NAAA: variants seen among roughly 807,000 people sequenced by gnomAD.
NAAA encodes N-acylethanolamine-hydrolyzing acid amidase.
In NAAA, 39 loss-of-function variants were observed where a neutral mutation model predicts 44.8. That is an observed-to-expected ratio of 0.87 (90% CI 0.67 to 1.14). The LOEUF (loss-of-function observed/expected upper bound fraction) is 1.14, where lower values mean the gene tolerates loss of function less well. Among genes scored for constraint, NAAA ranks in the 50% most tolerant of loss-of-function variants. NAAA has a pLI of 0.00. For synonymous variants in NAAA, 178 were observed against 191.3 expected (o/e 0.93, Z 0.58); for missense variants, 460 against 467.8 (o/e 0.98, Z 0.15).
chr4:75,915,355 A>G (rs1200938276), intron 9 of NAAA, among the ~76,000 whole-genome samples: 2 of 152,138 alleles, frequency 1.3e-5, no homozygotes, highest in African/African-American at 4.8e-5. Context: ...TCTCATAAAA[A>G]ATAAATAAAT....
Position 75,931,243 on chromosome 4 carries a change from T to C in NAAA, c.560A>G (p.His187Arg). 6.2e-7 allele frequency: 1 copy of C among 1,612,962 alleles called. No homozygotes were observed. Among genetic ancestry groups the C allele is most frequent in the African/African-American group, 1.3e-5 (1 of 75,044 alleles). ...YVGLWTGQSP[H>R]KFTVSGDERD... Reference sequence around the variant, plus strand: ...TTCATCACCAGAAACTGTAAACTTGTGTGGGCTCTGGCCAGTCCATAATCC... The same window carrying C: ...TTCATCACCAGAAACTGTAAACTTGCGTGGGCTCTGGCCAGTCCATAATCC... The change falls in exon 4 of 11, where the codon CAC (histidine) becomes CGC (arginine). Residue 187 changes from histidine (H) to arginine (R), a missense_variant. His to Arg is a conservative substitution (Grantham distance 29). Transcript: ENST00000286733.
intron 7 of NAAA, among the ~76,000 whole-genome samples, chr4:75,920,313 T>C (rs1393959531): frequency 1.3e-5 from 2 of 152,240 alleles, no homozygotes; most frequent in Admixed American, 1.3e-4. Flanking sequence ...AATTATAGAA[T>C]GTTTACAACT....
chr4:75,940,201 C>A, intron 1 of NAAA, 36 bp from the exon 2 acceptor site: 1 of 1,595,114 alleles, frequency 6.3e-7, no homozygotes, highest in Non-Finnish European at 8.6e-7. Flanking sequence ...CTGACCCGCT[C>A]AGAGGTCGGC....
intron 5 of NAAA, among the ~76,000 whole-genome samples, chr4:75,921,524 C>T (rs1463966886): frequency 1.3e-5 from 2 of 152,134 alleles, no homozygotes; most frequent in South Asian, 2.1e-4. Context: ...GTGAATGAGT[C>T]GCCTGGTCCT....
intron 2 of NAAA, among the ~76,000 whole-genome samples, chr4:75,937,417 T>G (rs1727831302): frequency 6.6e-6 from 1 of 152,218 alleles, no homozygotes; most frequent in Admixed American, 6.5e-5. Flanking sequence ...AGACTCCGTC[T>G]CAAACATAAA....
intron 5 of NAAA, among the ~76,000 whole-genome samples, chr4:75,921,779 G>A (rs1726190767): frequency 6.6e-6 from 1 of 152,174 alleles, no homozygotes; most frequent in African/African-American, 2.4e-5. Context: ...GAGGGTTCTA[G>A]TTCGATGGAC....
chr4:75,936,221 A>G lies in NAAA; in HGVS notation c.386T>C (p.Ile129Thr), dbSNP rs770125465. The change falls in exon 3 of 11, where the codon ATT becomes ACT. Residue 129 changes from isoleucine to threonine, a missense_variant. By Grantham distance (89) the Ile-to-Thr change is moderately conservative (BLOSUM62 -1). Transcript: ENST00000286733. ...AYESSVFCTS[I>T]VAQDSRGHIY... ...GTGGCCTCTGGAGTCTTGAGCCACA[A>G]TACTGGTGCAGAACCTGAGAAAAGG... 1 of 1,613,942 alleles carries G rather than the reference A, an allele frequency of 6.2e-7. No individual in the cohort carries two copies.
intron 3 of NAAA, among the ~76,000 whole-genome samples, chr4:75,934,723 A>T (rs28535831): frequency 0.21 from 31,258 of 152,182 alleles, 3,652 homozygotes; most frequent in East Asian, 0.35. Flanking sequence ...TTTCTTGGCC[A>T]TGAGTCCTCC....
At chr4:75,940,233 T>C in intron 1 of NAAA, 68 bp from the exon 2 acceptor site, 1 of 1,541,182 alleles carries the variant, frequency 6.5e-7, no homozygotes. Flanking sequence ...GCGTGTGCAC[T>C]GCGAGCGGGG....
At chr4:75,911,924 T>G (rs1008902604), downstream of NAAA, among the ~76,000 whole-genome samples, 12 of 152,210 alleles carry the variant, frequency 7.9e-5, no homozygotes, top group Non-Finnish European at 2.9e-5. Context: ...TTATCATCCT[T>G]TCTTTAAAGT....
At chr4:75,938,967 G>A (rs1419028987) in intron 2 of NAAA, among the ~76,000 whole-genome samples, 2 of 151,502 alleles carry the variant, frequency 1.3e-5, no homozygotes, top group Non-Finnish European at 1.5e-5. Context: ...CTCCTGCCTC[G>A]GCCTCCCAAG....
chr4:75,940,022 T>A lies in NAAA; in HGVS notation c.350A>T (p.Asn117Ile). 6.2e-7 allele frequency: 1 copy of A among 1,613,922 alleles called. No individual in the cohort carries two copies. Among genetic ancestry groups the A allele is most frequent in the South Asian group, 1.1e-5 (1 of 91,080 alleles). ...TCACACGGAGGACTCGTAGGCCAGGTTGACCAGAAGGCAGTCCGCCAGGCT... is the reference window on the plus strand; with the variant it reads ...TCACACGGAGGACTCGTAGGCCAGGATGACCAGAAGGCAGTCCGCCAGGCT... Reference protein sequence around the residue: ...NLSLADCLLVNLAYESSVFCT... With the variant: ...NLSLADCLLVILAYESSVFCT... The change falls in exon 2 of 11, where the codon AAC becomes ATC. Residue 117 changes from asparagine to isoleucine, a missense_variant. Physicochemically the swap from Asn to Ile is moderately radical, Grantham distance 149. Transcript: ENST00000286733.
chr4:75,921,950 C>T lies in NAAA; in HGVS notation c.667-827G>A, dbSNP rs111981355. On this transcript the variant is annotated intron_variant, in intron 5 of 10. Coordinates refer to ENST00000286733, the MANE Select transcript of NAAA (RefSeq NM_014435.4). ...CAAATCTTCAGATTCCATATGGGCT[C>T]CTTCCTAGAGCTGATCTGCTCAAGA... is the stretch of plus-strand genomic sequence containing the variant. 1.6e-4 allele frequency among the ~76,000 whole-genome samples: 24 copies of T among 152,314 alleles called. 1 individual carries two copies. The highest frequency in any genetic ancestry group is 5.1e-4 in the African/African-American group (21 of 41,566).
At chr4:75,932,962 C>A (rs1369829556) in intron 3 of NAAA, among the ~76,000 whole-genome samples, 1 of 151,992 alleles carries the variant, frequency 6.6e-6, no homozygotes, top group East Asian at 1.9e-4. Flanking sequence ...CGGTGAAACT[C>A]CAACTCTACC....
At position 75,919,911 on chromosome 4, in the gene NAAA, G is replaced by A. The variant is rs1578043207; in HGVS notation, c.967C>T (p.Gln323Ter). 6.2e-7 allele frequency: 1 copy of A among 1,612,880 alleles called. No homozygotes were observed. Among genetic ancestry groups the A allele is most frequent in the Non-Finnish European group, 8.5e-7 (1 of 1,178,888 alleles). ...CAGGACACTGTGACACAAGTTACCT[G>A]GAAAAGTGCCTCCAGGCTGAGGTTT... ...QANLSLEALF[Q>*]ILSVVPVYNN... The change falls in exon 8 of 11, where the codon CAG becomes TAG. Residue 323 changes from glutamine (Q) to a stop codon, truncating the protein, a stop_gained and splice_region_variant. Transcript: ENST00000286733. LOFTEE classifies it high-confidence loss of function.
Position 75,940,148 on chromosome 4 carries a change from C to G in NAAA, c.224G>C (p.Trp75Ser). ...AQVIGDRVPK[W>S]VHVLIGKVVL... ...CACTTTTCCGATTAACACGTGCACC[C>G]ACTTGGGGACTCTGTCCCTAGAAAC... The change falls in exon 2 of 11, where the codon TGG becomes TCG. Residue 75 changes from tryptophan to serine, a missense_variant. Physicochemically the swap from Trp to Ser is radical, Grantham distance 177. Transcript: ENST00000286733. 1 of 1,613,814 alleles carries G rather than the reference C, an allele frequency of 6.2e-7. No homozygotes were observed. Among genetic ancestry groups the G allele is most frequent in the Non-Finnish European group, 8.5e-7 (1 of 1,179,822 alleles).
downstream of NAAA, chr4:75,911,291 G>A (rs1725312987): frequency 1.9e-6 from 1 of 514,458 alleles, no homozygotes; most frequent in Non-Finnish European, 3.8e-6. Context: ...AGGTCACAGG[G>A]CATATGATGG....
At chr4:75,935,128 T>C (rs1328486806) in intron 3 of NAAA, 2 of 152,312 alleles carry the variant, frequency 1.3e-5, no homozygotes, top group Admixed American at 6.5e-5. Flanking sequence ...AATCAAATTG[T>C]TAATAGTGGC....
At chr4:75,931,159 G>T in intron 4 of NAAA, 55 bp downstream of exon 4, 1 of 1,416,390 alleles carries the variant, frequency 7.1e-7, no homozygotes, top group Non-Finnish European at 9.9e-7. Context: ...GGAAGTGCTT[G>T]GATAGAACTG....
Sources: allele counts gnomAD v4.1 joint callset (sites outside exome capture counted in the v4.1 genomes callset), GRCh38; gene constraint gnomAD v4.1.1; transcripts MANE v1.5; gene names NCBI Gene and HGNC (gene_info 2026-07-23, HGNC 2026-07-21).